Variants in STARD13 observed in about 807,000 individuals in gnomAD.
STARD13 encodes StAR related lipid transfer domain containing 13.
Under a neutral mutation model 106.4 loss-of-function variants are expected in STARD13, and 62 were observed. The ratio of observed to expected loss-of-function variants is 0.58; its 90% confidence interval spans 0.48 to 0.72. The LOEUF (loss-of-function observed/expected upper bound fraction) is 0.72. Ranked by LOEUF, STARD13 falls within the 30% of genes least tolerant of loss-of-function variation. The pLI, the probability that STARD13 is intolerant of heterozygous loss-of-function variation, is 0.00. For synonymous variants in STARD13, 565 were observed against 553.0 expected (o/e 1.02, Z -0.31); for missense variants, 1,387 against 1,424.0 (o/e 0.97, Z 0.42).
the STARD13 span, among the ~76,000 whole-genome samples, chr13:33,477,526 G>A: frequency 1.3e-5 from 2 of 152,322 alleles, no homozygotes; most frequent in East Asian, 1.9e-4. Flanking sequence ...TGATGACTAA[G>A]TGAACCCACT....
intron 1 of STARD13, among the ~76,000 whole-genome samples, chr13:33,266,583 T>C (rs754817880): frequency 6.6e-6 from 1 of 152,214 alleles, no homozygotes; most frequent in South Asian, 2.1e-4. Flanking sequence ...GCTCAAGTCA[T>C]ACTTTTCCAC....
chr13:33,312,362 T>A (rs902406596), intron 1 of STARD13, among the ~76,000 whole-genome samples: 2 of 152,192 alleles, frequency 1.3e-5, no homozygotes, highest in Non-Finnish European at 2.9e-5. Context: ...GTCTTTCAAG[T>A]TGAAATTCCC....
At chr13:33,399,879 C>T in the STARD13 span, among the ~76,000 whole-genome samples, 64 of 151,958 alleles carry the variant, frequency 4.2e-4, no homozygotes, top group Middle Eastern at 6.8e-3. Flanking sequence ...GGGGCAATGA[C>T]GGCAAAGGGG....
At chr13:33,469,266 G>T in the STARD13 span, among the ~76,000 whole-genome samples, 1 of 152,142 alleles carries the variant, frequency 6.6e-6, no homozygotes, top group African/African-American at 2.4e-5. Flanking sequence ...TTCAGAAGCA[G>T]CATCCAACCC....
At chr13:33,444,910 A>C in the STARD13 span, among the ~76,000 whole-genome samples, 7 of 152,204 alleles carry the variant, frequency 4.6e-5, no homozygotes, top group African/African-American at 1.7e-4. Flanking sequence ...CAGTCTAAAA[A>C]CATCTTAGGT....
At chr13:33,552,155 G>T in the STARD13 span, among the ~76,000 whole-genome samples, 1 of 151,966 alleles carries the variant, frequency 6.6e-6, no homozygotes, top group Non-Finnish European at 1.5e-5. Context: ...ATAAATCACA[G>T]AACTAAAGAG....
chr13:33,156,124 C>T (rs769112518), intron 3 of STARD13, among the ~76,000 whole-genome samples: 3 of 152,212 alleles, frequency 2.0e-5, no homozygotes, highest in South Asian at 2.1e-4. Flanking sequence ...ACGCAGCTAA[C>T]GCCATGGCGG....
chr13:33,673,580 G>A, the STARD13 span, among the ~76,000 whole-genome samples: 1 of 133,210 alleles, frequency 7.5e-6, no homozygotes, highest in African/African-American at 3.3e-5. Flanking sequence ...GTCTCACTCT[G>A]TCACCATGCT....
At chr13:33,430,031 C>A in the STARD13 span, among the ~76,000 whole-genome samples, 1 of 151,966 alleles carries the variant, frequency 6.6e-6, no homozygotes, top group Non-Finnish European at 1.5e-5. Context: ...CATTCTCCTG[C>A]CTCAGCCTCC....
the STARD13 span, among the ~76,000 whole-genome samples, chr13:33,484,495 C>A: frequency 6.6e-6 from 1 of 152,126 alleles, no homozygotes; most frequent in Non-Finnish European, 1.5e-5. Context: ...TCAACTGGTC[C>A]TGTAGCCCCC....
rs572220538 is a variant in STARD13 at position 33,103,524 on chromosome 13, C to T, written c.*2069G>A. Reference sequence around the variant, plus strand: ...CTGTTTTAGGGATCTTCTAGGTCCTCGTTTCTGAGTGTGGTTTTAGGCCAG... The same window carrying T: ...CTGTTTTAGGGATCTTCTAGGTCCTTGTTTCTGAGTGTGGTTTTAGGCCAG... On this transcript the variant is annotated 3_prime_UTR_variant, in exon 14 of 14. Coordinates refer to ENST00000336934, the MANE Select transcript of STARD13 (RefSeq NM_178006.4). 1.1e-4 allele frequency: 17 copies of T among 152,740 alleles called. No homozygotes were observed. The highest frequency in any genetic ancestry group is 3.4e-4 in the African/African-American group (14 of 41,562). The allele number at this position is 152,740 out of a possible 1,614,324, so 9.5% of individuals were successfully genotyped here. A position where few individuals can be genotyped will look rare whatever the true frequency, so the allele number is the denominator to read the frequency against.
At chr13:33,367,945 TATGTGGCCATTTG>T in the STARD13 span, among the ~76,000 whole-genome samples, 1 of 152,184 alleles carries the variant, frequency 6.6e-6, no homozygotes, top group East Asian at 1.9e-4. Context: ...CATGGCCAGA[TATGTGGCCATTTG>T]GAAAAAGTGT....
chr13:33,341,143 A>C (rs2138592526), intron 1 of STARD13, among the ~76,000 whole-genome samples: 1 of 152,378 alleles, frequency 6.6e-6, no homozygotes, highest in Non-Finnish European at 1.5e-5. Flanking sequence ...GCAAAAGGAC[A>C]GAATAGAAAT....
At chr13:33,532,806 G>A in the STARD13 span, among the ~76,000 whole-genome samples, 2 of 152,136 alleles carry the variant, frequency 1.3e-5, no homozygotes, top group Non-Finnish European at 2.9e-5. Flanking sequence ...GTCTGATTCC[G>A]ACATGAGGAA....
At chr13:33,237,634 A>G (rs1889257831) in intron 1 of STARD13, among the ~76,000 whole-genome samples, 1 of 152,114 alleles carries the variant, frequency 6.6e-6, no homozygotes, top group Non-Finnish European at 1.5e-5. Flanking sequence ...CATCAGTGTG[A>G]TCCCTTGATT....
chr13:33,568,223 T>G, the STARD13 span, among the ~76,000 whole-genome samples: 1 of 147,696 alleles, frequency 6.8e-6, no homozygotes, highest in Non-Finnish European at 1.5e-5. Flanking sequence ...CTTGCTTTGG[T>G]AGTTACAGTA....
At chr13:33,357,939 A>T in the STARD13 span, among the ~76,000 whole-genome samples, 2 of 152,236 alleles carry the variant, frequency 1.3e-5, no homozygotes, top group Non-Finnish European at 2.9e-5. Context: ...GGGCTGGCCA[A>T]GGCTGGAGCC....
the STARD13 span, among the ~76,000 whole-genome samples, chr13:33,509,805 G>A: frequency 4.2e-3 from 633 of 152,298 alleles, 4 homozygotes; most frequent in Non-Finnish European, 7.1e-3. Context: ...CTAACTCGTA[G>A]GGCGAATTTT....
the STARD13 span, among the ~76,000 whole-genome samples, chr13:33,417,155 A>G: frequency 2.6e-5 from 4 of 152,230 alleles, no homozygotes; most frequent in African/African-American, 7.2e-5. Flanking sequence ...AAAAATGCCA[A>G]TCAAAACCAC....
Sources: gnomAD v4.1 joint callset for allele counts (sites outside exome capture counted in the v4.1 genomes callset) on GRCh38, gnomAD v4.1.1 for gene constraint, MANE v1.5 for transcripts, NCBI Gene and HGNC (gene_info 2026-07-23, HGNC 2026-07-21) for gene names.